ZNF516: variants seen among roughly 807,000 people sequenced by gnomAD.
ZNF516 encodes zinc finger protein 516.
Under a neutral mutation model 79.7 loss-of-function variants are expected in ZNF516, and 19 were observed. That is an observed-to-expected ratio of 0.24 (90% CI 0.17 to 0.35). ZNF516 has a LOEUF of 0.35. Among genes scored for constraint, ZNF516 ranks in the 10% least tolerant of loss-of-function variants. The pLI is 1.00. For synonymous variants in ZNF516, 877 were observed against 739.5 expected, an observed-to-expected ratio of 1.19 and a Z score of -3.02; for missense variants, 1,678 against 1,679.5, an observed-to-expected ratio of 1.00 and a Z score of 0.02.
intron 3 of ZNF516, chr18:76,386,858 A>G (rs2075000108): frequency 6.6e-6 from 1 of 152,186 alleles, no homozygotes; most frequent in South Asian, 2.1e-4. Context: ...ATTTTATTCT[A>G]TAATTTCGGC....
At chr18:76,471,071 C>A (rs1214146144) in intron 1 of ZNF516, among the ~76,000 whole-genome samples, 1 of 152,040 alleles carries the variant, frequency 6.6e-6, no homozygotes, top group African/African-American at 2.4e-5. Context: ...CTTTCTTTTA[C>A]CTACATCAAA....
At chr18:76,439,583 G>A (rs2075787398) in intron 3 of ZNF516, among the ~76,000 whole-genome samples, 1 of 152,046 alleles carries the variant, frequency 6.6e-6, no homozygotes, top group Admixed American at 6.6e-5. Context: ...TAATGAGCCT[G>A]AAAAAAGAGT....
At chr18:76,380,837 C>T (rs2074879688) in intron 3 of ZNF516, among the ~76,000 whole-genome samples, 3 of 152,194 alleles carry the variant, frequency 2.0e-5, no homozygotes, top group African/African-American at 7.2e-5. Flanking sequence ...ACTGGGCTAC[C>T]GACCACCTTC....
chr18:76,461,498 A>G (rs892271510), intron 2 of ZNF516, among the ~76,000 whole-genome samples: 4 of 152,188 alleles, frequency 2.6e-5, no homozygotes, highest in African/African-American at 9.7e-5. Flanking sequence ...GAAGCCCTGG[A>G]TCACCCTATT....
chr18:76,413,259 C>T (rs1029212627), intron 3 of ZNF516, among the ~76,000 whole-genome samples: 1 of 152,194 alleles, frequency 6.6e-6, no homozygotes, highest in Admixed American at 6.5e-5. Flanking sequence ...AGTGGAAGAA[C>T]TTTAAGTAGA....
At position 76,362,678 on chromosome 18, in the gene ZNF516, G is replaced by A. The variant is rs1038626496; in HGVS notation, c.3433-121C>T. 2.8e-5 allele frequency: 28 copies of A among 986,310 alleles called. No homozygotes were observed. The African/African-American group carries it at 4.4e-4, about 15-fold the overall frequency. The allele number at this position is 986,310 out of a possible 1,614,324, so 61.1% of individuals were successfully genotyped here. ...GAACACAAACAATGACCTTCACAAA[G>A]CAAGCCAACCAAGTAGGCGAAGACC... On this transcript the variant is annotated intron_variant, in intron 6 of 6. Coordinates refer to ENST00000443185, the MANE Select transcript of ZNF516 (RefSeq NM_014643.4).
chr18:76,469,084 T>C (rs1351379158), intron 1 of ZNF516, among the ~76,000 whole-genome samples: 1 of 152,220 alleles, frequency 6.6e-6, no homozygotes, highest in East Asian at 1.9e-4. Flanking sequence ...GATTTTGTAA[T>C]GAAGTCATGA....
At chr18:76,436,240 GACATCCC>G (rs925603997) in intron 3 of ZNF516, among the ~76,000 whole-genome samples, 4 of 152,176 alleles carry the variant, frequency 2.6e-5, no homozygotes, top group African/African-American at 9.7e-5. Context: ...TCAGAATGAG[GACATCCC>G]ACAGCTCCAG....
intron 2 of ZNF516, among the ~76,000 whole-genome samples, chr18:76,453,289 T>C (rs1912528918): frequency 1.3e-5 from 2 of 152,152 alleles, no homozygotes; most frequent in Non-Finnish European, 2.9e-5. Context: ...CTTGTCAACA[T>C]TTCCATTAAG....
At chr18:76,432,241 G>A (rs2075670078) in intron 3 of ZNF516, among the ~76,000 whole-genome samples, 1 of 152,222 alleles carries the variant, frequency 6.6e-6, no homozygotes, top group African/African-American at 2.4e-5. Context: ...CCAACACCGT[G>A]CAAAGCACCA....
intron 1 of ZNF516, chr18:76,492,107 T>C: frequency 1.0e-6 from 1 of 956,094 alleles, no homozygotes. Flanking sequence ...TGCAGGGGTC[T>C]CCGGGGAGGT....
chr18:76,384,978 T>C (rs957960622), intron 3 of ZNF516, among the ~76,000 whole-genome samples: 7 of 152,356 alleles, frequency 4.6e-5, no homozygotes, highest in African/African-American at 1.4e-4. Flanking sequence ...CAGAAAGGCC[T>C]GGCAGCGGCC....
At chr18:76,475,682 C>A (rs1190277261) in intron 1 of ZNF516, among the ~76,000 whole-genome samples, 2 of 152,140 alleles carry the variant, frequency 1.3e-5, no homozygotes, top group Non-Finnish European at 2.9e-5. Flanking sequence ...CAAATCTGTG[C>A]CAGTGGGTCC....
At chr18:76,425,210 A>G (rs1293122579) in intron 3 of ZNF516, among the ~76,000 whole-genome samples, 1 of 152,174 alleles carries the variant, frequency 6.6e-6, no homozygotes, top group Non-Finnish European at 1.5e-5. Flanking sequence ...ATCGCTTTGC[A>G]AGTGGAGGCA....
At chr18:76,480,294 T>C (rs989740113) in intron 1 of ZNF516, among the ~76,000 whole-genome samples, 1 of 152,154 alleles carries the variant, frequency 6.6e-6, no homozygotes, top group Admixed American at 6.5e-5. Context: ...ACGTGTTTCC[T>C]TTTACCTCTC....
intron 1 of ZNF516, among the ~76,000 whole-genome samples, chr18:76,476,064 A>C (rs1914155459): frequency 6.6e-6 from 1 of 152,224 alleles, no homozygotes; most frequent in African/African-American, 2.4e-5. Context: ...AAGATGATGA[A>C]GACTTTGTCG....
intron 3 of ZNF516, among the ~76,000 whole-genome samples, chr18:76,429,670 C>T (rs568517104): frequency 2.6e-5 from 4 of 152,158 alleles, no homozygotes; most frequent in Non-Finnish European, 4.4e-5. Flanking sequence ...AGGAAACTTC[C>T]ACAACCACCA....
At chr18:76,431,407 A>C (rs543263984) in intron 3 of ZNF516, among the ~76,000 whole-genome samples, 3 of 152,348 alleles carry the variant, frequency 2.0e-5, no homozygotes, top group Non-Finnish European at 2.9e-5. Context: ...AGATTCCTTT[A>C]AGAACTGACT....
At chr18:76,445,843 T>G (rs963072621) in intron 2 of ZNF516, among the ~76,000 whole-genome samples, 1 of 152,146 alleles carries the variant, frequency 6.6e-6, no homozygotes, top group African/African-American at 2.4e-5. Flanking sequence ...AAAAGGAGAT[T>G]TGTTCTGTGC....
Sources: allele counts gnomAD v4.1 joint callset (sites outside exome capture counted in the v4.1 genomes callset), GRCh38; gene constraint gnomAD v4.1.1; transcripts MANE v1.5; gene names NCBI Gene and HGNC (gene_info 2026-07-23, HGNC 2026-07-21).